Variants in TRIM66 observed in about 807,000 individuals in gnomAD.
The protein encoded by TRIM66 is tripartite motif containing 66.
Under a neutral mutation model 148.2 loss-of-function variants are expected in TRIM66, and 99 were observed. That is an observed-to-expected ratio of 0.67 (90% CI 0.57 to 0.79). The LOEUF (loss-of-function observed/expected upper bound fraction) is 0.79. Ranked by LOEUF, TRIM66 falls within the 30% of genes least tolerant of loss-of-function variation. The pLI is 0.00. For missense variants in TRIM66, 1,666 were observed against 1,697.9 expected (o/e 0.98, Z 0.33); for synonymous variants, 616 against 635.9 (o/e 0.97, Z 0.47).
chr11:8,617,770 T>C lies in TRIM66; in HGVS notation c.*174A>G. The C allele has an allele frequency of 4.8e-6, 3 of 622,528 alleles. No individual in the cohort carries two copies. The highest frequency in any genetic ancestry group is 5.5e-5 in the East Asian group (2 of 36,306). 38.6% of individuals were successfully genotyped at this position (622,528 alleles called of 1,614,324 possible). ...TTACTGAAATCTTCTCTGTAGTGGATGTACTACGGCTCCCAAATAAATGCT... is the reference window on the plus strand; with the variant it reads ...TTACTGAAATCTTCTCTGTAGTGGACGTACTACGGCTCCCAAATAAATGCT... On this transcript the variant is annotated 3_prime_UTR_variant, in exon 25 of 25. Coordinates refer to ENST00000646038, the MANE Select transcript of TRIM66 (RefSeq NM_001388022.1).
intron 1 of TRIM66, chr11:8,681,020 G>A (rs1158468847): frequency 1.3e-5 from 2 of 152,240 alleles, no homozygotes; most frequent in African/African-American, 4.8e-5. Context: ...GAAGTCACAG[G>A]CTGTGAGCTA....
chr11:8,625,463 T>TTGTGTGTGTGTGTGTGTGTGTG (rs147088164), intron 15 of TRIM66, among the ~76,000 whole-genome samples: 288 of 148,240 alleles, frequency 1.9e-3, no homozygotes, highest in East Asian at 4.2e-3. Context: ...CGGAGAACTA[T>TTGTGTGTGTGTGTGTGTGTGTG]TGTGTGTGTG....
At chr11:8,669,132 C>T (rs2038777726) in intron 6 of TRIM66, among the ~76,000 whole-genome samples, 1 of 152,168 alleles carries the variant, frequency 6.6e-6, no homozygotes, top group Non-Finnish European at 1.5e-5. Context: ...AAAGGTGCCA[C>T]CACTGCTGCA....
rs571006698 is a variant in TRIM66 at position 8,682,451 on chromosome 11, G to T, written c.-548+150C>A. 4.3e-5 allele frequency: 15 copies of T among 349,956 alleles called. 1 individual carries two copies. The East Asian group carries it at 1.0e-3, about 24-fold the overall frequency. The allele number at this position is 349,956 out of a possible 1,614,324, so 21.7% of individuals were successfully genotyped here. On this transcript the variant is annotated intron_variant, in intron 1 of 24. Coordinates refer to ENST00000646038, the MANE Select transcript of TRIM66 (RefSeq NM_001388022.1). Reference sequence around the variant, plus strand: ...GCATTTGGTGAGGAGCTCAGACAACGAGGCCCTTAGGGTCGGCTTAGGCGG... The same window carrying T: ...GCATTTGGTGAGGAGCTCAGACAACTAGGCCCTTAGGGTCGGCTTAGGCGG...
At chr11:8,647,267 T>C (rs1334961157) in intron 10 of TRIM66, among the ~76,000 whole-genome samples, 4 of 152,152 alleles carry the variant, frequency 2.6e-5, no homozygotes. Flanking sequence ...GATACGTAGA[T>C]TATATCTCAG....
Position 8,672,003 on chromosome 11 carries a change from G to T in TRIM66, c.123C>A (p.Gly41=). The change falls in exon 6 of 25, where the codon GGC becomes GGA. Residue 41 remains glycine, a synonymous_variant. Transcript: ENST00000646038. Reference sequence around the variant, plus strand: ...CTAGTGGCAGCCCCATAAAGCTCATGCCCATGTCCACAGCCATGCCTGTGC... The same window carrying T: ...CTAGTGGCAGCCCCATAAAGCTCATTCCCATGTCCACAGCCATGCCTGTGC... ...VLGTGMAVDM[G]MSFMGLPLAG... 1.3e-6 allele frequency: 2 copies of T among 1,536,056 alleles called. No homozygotes were observed. Among genetic ancestry groups the T allele is most frequent in the Non-Finnish European group, 1.7e-6 (2 of 1,146,920 alleles).
intron 1 of TRIM66, among the ~76,000 whole-genome samples, chr11:8,681,089 T>C (rs1233517471): frequency 6.6e-6 from 1 of 151,886 alleles, no homozygotes; most frequent in African/African-American, 2.4e-5. Flanking sequence ...GACTACTCTT[T>C]TGGGGAGCTT....
chr11:8,633,878 C>G (rs141376902), intron 15 of TRIM66, among the ~76,000 whole-genome samples: 5 of 152,136 alleles, frequency 3.3e-5, no homozygotes, highest in Non-Finnish European at 7.4e-5. Flanking sequence ...ATTAAGAGAT[C>G]GGGCATCAAA....
intron 6 of TRIM66, chr11:8,654,572 C>T (rs2037649396): frequency 6.6e-6 from 1 of 152,152 alleles, no homozygotes. Flanking sequence ...AATACCTGTT[C>T]ATATGTCTGC....
chr11:8,680,329 C>T (rs940332739), intron 1 of TRIM66, among the ~76,000 whole-genome samples: 4 of 152,202 alleles, frequency 2.6e-5, no homozygotes, highest in South Asian at 2.1e-4. Context: ...GTCATGTTTT[C>T]GGAATACTAA....
chr11:8,648,641 A>C, intron 8 of TRIM66, 93 bp from the exon 9 acceptor site: 1 of 1,424,408 alleles, frequency 7.0e-7, no homozygotes. Context: ...CCTTCAGAGG[A>C]CACTGCAGAA....
intron 17 of TRIM66, among the ~76,000 whole-genome samples, chr11:8,623,256 G>A (rs1233857983): frequency 6.6e-6 from 1 of 152,188 alleles, no homozygotes; most frequent in Non-Finnish European, 1.5e-5. Context: ...TCAGCCAAGT[G>A]CTGGGATTCC....
chr11:8,645,687 G>A (rs899360619), intron 12 of TRIM66, 54 bp downstream of exon 12: 1 of 1,546,406 alleles, frequency 6.5e-7, no homozygotes, highest in Non-Finnish European at 8.7e-7. Flanking sequence ...CTGACAAAGG[G>A]GATGCTCTGA....
intron 13 of TRIM66, 102 bp from the exon 14 acceptor site, chr11:8,641,254 AC>A: frequency 9.4e-7 from 1 of 1,066,220 alleles, no homozygotes; most frequent in Non-Finnish European, 1.3e-6. Context: ...ACAATCCTGT[AC>A]CAGGAACAGA....
chr11:8,654,179 C>G (rs751726878), intron 6 of TRIM66, among the ~76,000 whole-genome samples: 16 of 152,258 alleles, frequency 1.1e-4, no homozygotes, highest in Non-Finnish European at 1.5e-4. Context: ...CCTCTGCTCC[C>G]TTGGCCTTAA....
chr11:8,659,050 G>A (rs2038067192), intron 6 of TRIM66, among the ~76,000 whole-genome samples: 1 of 151,846 alleles, frequency 6.6e-6, no homozygotes, highest in Admixed American at 6.6e-5. Flanking sequence ...CAAGCAGGGA[G>A]GGAAAAAGGG....
Position 8,646,502 on chromosome 11 carries a change from A to T in TRIM66, c.902T>A (p.Met301Lys). 1.3e-6 allele frequency: 2 copies of T among 1,552,218 alleles called. No individual in the cohort carries two copies. The highest frequency in any genetic ancestry group is 2.4e-5 in the East Asian group (1 of 40,928). The change falls in exon 11 of 25, where the codon ATG becomes AAG. Residue 301 changes from methionine (M) to lysine (K), a missense_variant. This residue lies in a region of TRIM66 where 1,431 missense variants were observed against 1,412.4 expected (regional missense o/e 1.01). Transcript: ENST00000646038. Reference protein sequence around the residue: ...KVENQIKMAKMVLMNELNKQA... With the variant: ...KVENQIKMAKKVLMNELNKQA... ...TTTGTTCAGCTCATTCATCAGAACC[A>T]TCTTGGCCATTTTGATCTGGTTTTC...
At chr11:8,643,314 T>A (rs2036561309) in intron 12 of TRIM66, among the ~76,000 whole-genome samples, 188 bp from the exon 13 acceptor site, 1 of 151,316 alleles carries the variant, frequency 6.6e-6, no homozygotes, top group African/African-American at 2.4e-5. Context: ...TTTCCTCTTA[T>A]CAAGGCTCCT....
rs538504951 is a variant in TRIM66, at chr11:8,621,918, A to T, written c.3081-99T>A. 2.3e-5 allele frequency: 27 copies of T among 1,196,474 alleles called. 1 individual carries two copies. The South Asian group carries it at 3.2e-4, about 14-fold the overall frequency. 74.1% of individuals were successfully genotyped at this position (1,196,474 alleles called of 1,614,324 possible). ...ATGATCCCTGTGATGATTAATATTG[A>T]GTGTCAACTTGATTGGATTGAAGGA... On this transcript the variant is annotated intron_variant, in intron 18 of 24. Coordinates refer to ENST00000646038, the MANE Select transcript of TRIM66 (RefSeq NM_001388022.1).
Sources: gnomAD v4.1 joint callset for allele counts (sites outside exome capture counted in the v4.1 genomes callset) on GRCh38, gnomAD v4.1.1 for gene constraint, gnomAD v4.1.1 regional missense constraint, MANE v1.5 for transcripts, NCBI Gene and HGNC (gene_info 2026-07-23, HGNC 2026-07-21) for gene names.